TREX1: variants seen among roughly 807,000 people sequenced by gnomAD.
TREX1 encodes the protein three prime repair exonuclease 1, also known as three-prime repair exonuclease 1.
A neutral mutation model predicts 13.7 loss-of-function variants in TREX1; 11 were observed. The observed-to-expected ratio is 0.80, with a 90% CI of 0.51 to 1.33. The LOEUF is 1.33. Among genes scored for constraint, TREX1 ranks in the 40% most tolerant of loss-of-function variants. The pLI, the probability that TREX1 is intolerant of heterozygous loss-of-function variation, is 0.00. For missense variants in TREX1, 409 were observed against 404.4 expected, an observed-to-expected ratio of 1.01 and a Z score of -0.10; for synonymous variants, 178 against 178.8, an observed-to-expected ratio of 1.00 and a Z score of 0.03.
rs1448718323 is a variant in TREX1, at chr3:48,466,282, A to G, written c.-54A>G. 2.0e-5 allele frequency: 13 copies of G among 661,716 alleles called. No homozygotes were observed. Among genetic ancestry groups the G allele is most frequent in the African/African-American group, 3.6e-5 (2 of 55,852 alleles). 41.0% of individuals were successfully genotyped at this position (661,716 alleles called of 1,614,324 possible). On this transcript the variant is annotated 5_prime_UTR_variant, in exon 1 of 2. Transcript: ENST00000625293. ...CCGCGGGAGAGTGTGCAGCCGAGTC[A>G]CTACTGCCTGCCTGCCTGCCTGCTA... is the stretch of plus-strand genomic sequence containing the variant.
Position 48,466,705 on chromosome 3 carries a change from T to C in TREX1, c.50T>C (p.Phe17Ser), listed in dbSNP as rs531498263. The change falls in exon 2 of 2, where the codon TTC (phenylalanine) becomes TCC (serine). Residue 17 changes from phenylalanine to serine, a missense_variant. By Grantham distance (155) the Phe-to-Ser change is radical (BLOSUM62 -2). Transcript: ENST00000625293. ...PPGPMQTLIF[F>S]DMEATGLPFS... is the part of the protein sequence containing the mutation. ...GGGCCCATGCAGACCCTCATCTTTTTCGACATGGAGGCCACTGGCTTGCCC... is the reference window on the plus strand; with the variant it reads ...GGGCCCATGCAGACCCTCATCTTTTCCGACATGGAGGCCACTGGCTTGCCC... 21 of 1,614,082 alleles carry C rather than the reference T, an allele frequency of 1.3e-5. 1 individual carries two copies. In the South Asian group the frequency reaches 2.1e-4, roughly 16 times the overall value.
chr3:48,466,729 C>T lies in TREX1; in HGVS notation c.74C>T (p.Pro25Leu), dbSNP rs201387759. 6 of 1,614,046 alleles carry T rather than the reference C, an allele frequency of 3.7e-6. No individual in the cohort carries two copies. In the African/African-American group the frequency reaches 4.0e-5, roughly 11 times the overall value. ...TTCGACATGGAGGCCACTGGCTTGC[C>T]CTTCTCCCAGCCCAAGGTCACGGAG... Reference protein sequence around the residue: ...IFFDMEATGLPFSQPKVTELC... With the variant: ...IFFDMEATGLLFSQPKVTELC... The change falls in exon 2 of 2, where the codon CCC becomes CTC. Residue 25 changes from proline (P) to leucine (L), a missense_variant. Transcript: ENST00000625293.
chr3:48,466,201 GGCCTGTAGGCGGGCC>G (rs1358731068), upstream of TREX1: 1 of 551,058 alleles, frequency 1.8e-6, no homozygotes, highest in Non-Finnish European at 3.3e-6. Flanking sequence ...GGCTCACGTG[GGCCTGTAGGCGGGCC>G]CACGCCAAGT....
upstream of TREX1, chr3:48,466,182 G>A (rs1242099320): frequency 1.1e-4 from 55 of 521,824 alleles, 1 homozygote; most frequent in East Asian, 1.9e-3. Flanking sequence ...TGACGAGCAG[G>A]GCGGGCCTGG....
chr3:48,467,250 G>A lies in TREX1; in HGVS notation c.595G>A (p.Gly199Ser). The change falls in exon 2 of 2, where the codon GGT becomes AGT. Residue 199 changes from glycine (G) to serine (S), a missense_variant. Transcript: ENST00000625293. ...QSPPDSHTAE[G>S]DVLALLSICQ... ...CCCTCCAGACTCGCACACGGCTGAG[G>A]GTGATGTCCTGGCCCTGCTCAGCAT... 9 of 1,614,146 alleles carry A rather than the reference G, an allele frequency of 5.6e-6. No homozygotes were observed. Among genetic ancestry groups the A allele is most frequent in the Non-Finnish European group, 7.6e-6 (9 of 1,180,038 alleles).
chr3:48,467,000 G>C lies in TREX1; in HGVS notation c.345G>C (p.Gln115His). The C allele has an allele frequency of 6.2e-7, 1 of 1,613,752 alleles. No homozygotes were observed. Among genetic ancestry groups the C allele is most frequent in the Non-Finnish European group, 8.5e-7 (1 of 1,180,042 alleles). ...TGCTCCTAGCCTTCCTGCGGCGCCA[G>C]CCACAGCCCTGGTGCCTGGTGGCAC... ...ANLLLAFLRR[Q>H]PQPWCLVAHN... The change falls in exon 2 of 2, where the codon CAG becomes CAC. Residue 115 changes from glutamine (Q) to histidine (H), a missense_variant. Physicochemically the swap from Gln to His is conservative, Grantham distance 24 (BLOSUM62 0). Coordinates refer to ENST00000625293, the MANE Select transcript of TREX1 (RefSeq NM_033629.6).
rs2040349486 is a variant in TREX1, at chr3:48,467,067, C to G, written c.412C>G (p.Leu138Val). The change falls in exon 2 of 2, where the codon CTG becomes GTG. Residue 138 changes from leucine to valine, a missense_variant. Transcript: ENST00000625293. Reference protein sequence around the residue: ...RYDFPLLQAELAMLGLTSALD... With the variant: ...RYDFPLLQAEVAMLGLTSALD... ...CGACTTCCCCCTGCTCCAAGCAGAG[C>G]TGGCTATGCTGGGCCTCACCAGTGC... 6 of 1,613,986 alleles carry G rather than the reference C, an allele frequency of 3.7e-6. No homozygotes were observed. The African/African-American group carries it at 6.7e-5, about 18-fold the overall frequency.
chr3:48,467,581 T>C lies in TREX1; in HGVS notation c.926T>C (p.Leu309Pro), dbSNP rs1315614221. 3 of 1,612,694 alleles carry C rather than the reference T, an allele frequency of 1.9e-6. No homozygotes were observed. The highest frequency in any genetic ancestry group is 4.5e-5 in the East Asian group (2 of 44,856). Residue 309 changes from leucine to proline, a missense_variant, in exon 2 of 2, where the codon CTG (leucine) becomes CCG (proline). Coordinates refer to ENST00000625293, the MANE Select transcript of TREX1 (RefSeq NM_033629.6). ...LAVATLYGLSLATPGE is the reference protein window; with the variant it reads ...LAVATLYGLSPATPGE The stretch of plus-strand genomic sequence containing the variant: ...GTAGCCACACTGTATGGACTATCCC[T>C]GGCCACACCTGGGGAGTAGGCCAAG...
At position 48,467,119 on chromosome 3, in the gene TREX1, G is replaced by GCAT. The variant is rs1272053329; in HGVS notation, c.467_469dup (p.Ile156dup). On this transcript the variant is annotated inframe_insertion, in exon 2 of 2. Transcript: ENST00000625293. ...CTGGATGGTGCCTTCTGTGTGGATA[G>GCAT]CATCACTGCGCTGAAGGCCCTGGAG... The GCAT allele has an allele frequency of 1.9e-6, 3 of 1,613,960 alleles. No individual in the cohort carries two copies. Among genetic ancestry groups the GCAT allele is most frequent in the South Asian group, 2.2e-5 (2 of 91,092 alleles).
Position 48,467,496 on chromosome 3 carries a change from G to T in TREX1, c.841G>T (p.Ala281Ser). The change falls in exon 2 of 2, where the codon GCC becomes TCC. Residue 281 changes from alanine (A) to serine (S), a missense_variant. By Grantham distance (99) the Ala-to-Ser change is moderately conservative. Transcript: ENST00000625293. Reference sequence around the variant, plus strand: ...TCTTCCTCCAGTGAAGGACCCTGGAGCCCTATCCAGGGAGGGGCTGCTGGC... The same window carrying T: ...TCTTCCTCCAGTGAAGGACCCTGGATCCCTATCCAGGGAGGGGCTGCTGGC... ...KDLPPVKDPG[A>S]LSREGLLAPL... 6.2e-7 allele frequency: 1 copy of T among 1,614,126 alleles called. No homozygotes were observed. Among genetic ancestry groups the T allele is most frequent in the Non-Finnish European group, 8.5e-7 (1 of 1,180,016 alleles).
At position 48,467,260 on chromosome 3, in the gene TREX1, T is replaced by G. The variant is rs769993269; in HGVS notation, c.605T>G (p.Leu202Arg). 5.0e-6 allele frequency: 8 copies of G among 1,614,152 alleles called. No homozygotes were observed. The highest frequency in any genetic ancestry group is 5.9e-6 in the Non-Finnish European group (7 of 1,180,036). ...TCGCACACGGCTGAGGGTGATGTCC[T>G]GGCCCTGCTCAGCATCTGTCAGTGG... ...PDSHTAEGDV[L>R]ALLSICQWRP... Residue 202 changes from leucine to arginine, a missense_variant, in exon 2 of 2, where the codon CTG becomes CGG. By Grantham distance (102) the Leu-to-Arg change is moderately radical (BLOSUM62 -2). Coordinates refer to ENST00000625293, the MANE Select transcript of TREX1 (RefSeq NM_033629.6).
In TREX1 at chr3:48,466,967, G is replaced by C. The variant is rs56162833; in HGVS notation, c.312G>C (p.Leu104=). 1.4e-4 allele frequency: 224 copies of C among 1,612,374 alleles called. No homozygotes were observed. Among genetic ancestry groups the C allele is most frequent in the Non-Finnish European group, 1.8e-4 (210 of 1,180,034 alleles). The change falls in exon 2 of 2, where the codon CTG becomes CTC. Residue 104 remains leucine, a synonymous_variant. Coordinates refer to ENST00000625293, the MANE Select transcript of TREX1 (RefSeq NM_033629.6). The part of the protein sequence containing the change: ...AHGRQCFDDN[L]ANLLLAFLRR... ...GGCGTCAATGTTTTGATGACAACCT[G>C]GCCAACCTGCTCCTAGCCTTCCTGC...
chr3:48,467,172 C>G lies in TREX1; in HGVS notation c.517C>G (p.Pro173Ala). 1 of 1,613,870 alleles carries G rather than the reference C, an allele frequency of 6.2e-7. No individual in the cohort carries two copies. Among genetic ancestry groups the G allele is most frequent in the East Asian group, 2.2e-5 (1 of 44,864 alleles). ...AGCAAGCAGCCCCTCAGAACACGGCCCAAGGAAGAGCTATAGCCTAGGCAG... is the reference window on the plus strand; with the variant it reads ...AGCAAGCAGCCCCTCAGAACACGGCGCAAGGAAGAGCTATAGCCTAGGCAG... ...ERASSPSEHG[P>A]RKSYSLGSIY... Residue 173 changes from proline to alanine, a missense_variant, in exon 2 of 2, where the codon CCA (proline) becomes GCA (alanine). Coordinates refer to ENST00000625293, the MANE Select transcript of TREX1 (RefSeq NM_033629.6).
At position 48,467,026 on chromosome 3, in the gene TREX1, A is replaced by G; in HGVS notation, c.371A>G (p.His124Arg). The G allele has an allele frequency of 6.2e-7, 1 of 1,613,928 alleles. No individual in the cohort carries two copies. Among genetic ancestry groups the G allele is most frequent in the Non-Finnish European group, 8.5e-7 (1 of 1,180,030 alleles). Residue 124 changes from histidine to arginine, a missense_variant, in exon 2 of 2, where the codon CAC becomes CGC. Coordinates refer to ENST00000625293, the MANE Select transcript of TREX1 (RefSeq NM_033629.6). ...CCACAGCCCTGGTGCCTGGTGGCAC[A>G]CAATGGTGACCGCTACGACTTCCCC... is the stretch of plus-strand genomic sequence containing the variant. ...RQPQPWCLVA[H>R]NGDRYDFPLL...
At position 48,466,937 on chromosome 3, in the gene TREX1, G is replaced by T. The variant is rs374854957; in HGVS notation, c.282G>T (p.Ala94=). The change falls in exon 2 of 2, where the codon GCG becomes GCT. Residue 94 remains alanine, a synonymous_variant. Coordinates refer to ENST00000625293, the MANE Select transcript of TREX1 (RefSeq NM_033629.6). ...GTCTGAGCACAGCTGTGCTGGCAGCGCATGGGCGTCAATGTTTTGATGACA... is the reference window on the plus strand; with the variant it reads ...GTCTGAGCACAGCTGTGCTGGCAGCTCATGGGCGTCAATGTTTTGATGACA... ...ITGLSTAVLA[A]HGRQCFDDNL... 1 of 1,611,440 alleles carries T rather than the reference G, an allele frequency of 6.2e-7. No homozygotes were observed. The highest frequency in any genetic ancestry group is 1.1e-5 in the South Asian group (1 of 91,088).
chr3:48,467,300 G>A lies in TREX1; in HGVS notation c.645G>A (p.Leu215=), dbSNP rs774107853. 3.1e-6 allele frequency: 5 copies of A among 1,614,048 alleles called. No individual in the cohort carries two copies. The highest frequency in any genetic ancestry group is 3.4e-6 in the Non-Finnish European group (4 of 1,180,036). ...TCTGTCAGTGGAGACCACAGGCCCT[G>A]CTGCGGTGGGTGGATGCTCACGCCA... The part of the protein sequence containing the change: ...LSICQWRPQA[L]LRWVDAHARP... The change falls in exon 2 of 2, where the codon CTG becomes CTA. Residue 215 remains leucine (L), a synonymous_variant. Coordinates refer to ENST00000625293, the MANE Select transcript of TREX1 (RefSeq NM_033629.6).
upstream of TREX1, chr3:48,466,135 G>A (rs754929894): frequency 1.3e-4 from 56 of 433,084 alleles, no homozygotes; most frequent in Middle Eastern, 2.7e-3. Context: ...GGTGTGGGGG[G>A]GAACGGATGG....
intron 1 of TREX1, 28 bp from the exon 2 acceptor site, chr3:48,466,602 C>T (rs1424768244): frequency 3.1e-6 from 5 of 1,613,842 alleles, no homozygotes; most frequent in Non-Finnish European, 4.2e-6. Context: ...ACTGGGCACT[C>T]ACACACCCAC....
Position 48,467,045 on chromosome 3 carries a change from C to CT in TREX1, c.392dup (p.Leu133ProfsTer23), listed in dbSNP as rs753728190. On this transcript the variant is annotated frameshift_variant, in exon 2 of 2. Coordinates refer to ENST00000625293, the MANE Select transcript of TREX1 (RefSeq NM_033629.6). LOFTEE classifies it high-confidence loss of function. ...TGGCACACAATGGTGACCGCTACGACTTCCCCCTGCTCCAAGCAGAGCTGG... is the reference window on the plus strand; with the variant it reads ...TGGCACACAATGGTGACCGCTACGACTTTCCCCCTGCTCCAAGCAGAGCTGG... 1 of 1,614,008 alleles carries CT rather than the reference C, an allele frequency of 6.2e-7. No homozygotes were observed. Among genetic ancestry groups the CT allele is most frequent in the Non-Finnish European group, 8.5e-7 (1 of 1,180,048 alleles).
Sources: allele counts gnomAD v4.1 joint callset, GRCh38; gene constraint gnomAD v4.1.1; transcripts MANE v1.5; gene names NCBI Gene and HGNC (gene_info 2026-07-23, HGNC 2026-07-21).